Variants in TUT7 observed in about 807,000 individuals in gnomAD.
TUT7 encodes the protein terminal uridylyltransferase 7.
A neutral mutation model predicts 165.9 loss-of-function variants in TUT7; 33 were observed. The observed-to-expected ratio is 0.20, with a 90% CI of 0.15 to 0.27. The LOEUF is 0.27. Ranked by LOEUF, TUT7 falls within the 10% of genes least tolerant of loss-of-function variation. TUT7 has a pLI of 1.00. For synonymous variants in TUT7, 552 were observed against 608.1 expected (o/e 0.91, Z 1.36); for missense variants, 1,338 against 1,762.3 (o/e 0.76, Z 4.31).
intron 26 of TUT7, among the ~76,000 whole-genome samples, chr9:86,297,777 C>T (rs1826465514): frequency 2.0e-5 from 3 of 152,076 alleles, no homozygotes; most frequent in South Asian, 2.1e-4. Context: ...TGGCTCAAAA[C>T]CCTACAATAG....
chr9:86,305,550 T>C (rs1036444090), intron 22 of TUT7, among the ~76,000 whole-genome samples: 2 of 152,098 alleles, frequency 1.3e-5, no homozygotes, highest in Non-Finnish European at 2.9e-5. Context: ...CTTTATGTTA[T>C]GACTGGCTGC....
chr9:86,352,747 T>C lies in TUT7; in HGVS notation c.453A>G (p.Val151=). Residue 151 remains valine (V), a synonymous_variant, in exon 2 of 27, where the codon GTA becomes GTG. Coordinates refer to ENST00000375963, the MANE Select transcript of TUT7 (RefSeq NM_024617.4). ...TTAGGTCTTTATGAAACAGTCGTCTTACAGTTCTGCAGCCTCTTGTGTCTT... is the reference window on the plus strand; with the variant it reads ...TTAGGTCTTTATGAAACAGTCGTCTCACAGTTCTGCAGCCTCTTGTGTCTT... The part of the protein sequence containing the change: ...RWQDTRGCRT[V]RRLFHKDLTS... The C allele has an allele frequency of 6.2e-7, 1 of 1,614,228 alleles. No homozygotes were observed. The highest frequency in any genetic ancestry group is 8.5e-7 in the Non-Finnish European group (1 of 1,180,032).
At chr9:86,329,478 G>A (rs1830104414) in intron 10 of TUT7, among the ~76,000 whole-genome samples, 1 of 151,334 alleles carries the variant, frequency 6.6e-6, no homozygotes, top group African/African-American at 2.4e-5. Flanking sequence ...AGCCGAGATG[G>A]TGCCATTGCA....
intron 6 of TUT7, among the ~76,000 whole-genome samples, chr9:86,341,493 A>G (rs1831323719): frequency 6.6e-6 from 1 of 152,066 alleles, no homozygotes; most frequent in African/African-American, 2.4e-5. Context: ...TATCCTTACA[A>G]CTCTCAATGA....
intron 11 of TUT7, among the ~76,000 whole-genome samples, chr9:86,327,917 C>G: frequency 6.6e-6 from 1 of 152,164 alleles, no homozygotes; most frequent in East Asian, 1.9e-4. Flanking sequence ...ATTCTAATGG[C>G]TATTCTTTCC....
intron 16 of TUT7, 94 bp from the exon 17 acceptor site, chr9:86,317,370 T>G (rs1327614027): frequency 9.7e-7 from 1 of 1,030,496 alleles, no homozygotes; most frequent in Non-Finnish European, 1.5e-6. Context: ...ATAATGTAAT[T>G]AATTTCAAGT....
At chr9:86,333,107 T>A (rs148658339) in intron 10 of TUT7, among the ~76,000 whole-genome samples, 4 of 152,184 alleles carry the variant, frequency 2.6e-5, no homozygotes, top group Non-Finnish European at 5.9e-5. Context: ...TTTTAATCAT[T>A]TATTTTACTC....
At chr9:86,304,787 C>CT (rs1244722194) in intron 24 of TUT7, 69 bp downstream of exon 24, 1 of 946,068 alleles carries the variant, frequency 1.1e-6, no homozygotes, top group Non-Finnish European at 1.6e-6. Context: ...TAAGTTACTA[C>CT]TGAAGTGATG....
intron 2 of TUT7, among the ~76,000 whole-genome samples, chr9:86,348,342 A>G (rs1298366311): frequency 6.6e-6 from 1 of 152,234 alleles, no homozygotes; most frequent in African/African-American, 2.4e-5. Context: ...TAATCCCTAC[A>G]GCAATCCTGC....
Position 86,353,031 on chromosome 9 carries a change from T to C in TUT7, c.169A>G (p.Thr57Ala). 1.2e-6 allele frequency: 2 copies of C among 1,614,212 alleles called. No homozygotes were observed. The highest frequency in any genetic ancestry group is 1.7e-6 in the Non-Finnish European group (2 of 1,180,044). The change falls in exon 2 of 27, where the codon ACA becomes GCA. Residue 57 changes from threonine to alanine, a missense_variant. Physicochemically the swap from Thr to Ala is moderately conservative, Grantham distance 58 (BLOSUM62 0). Transcript: ENST00000375963. ...GGGGTATTCCCATAGTTCCCTGGTG[T>C]TATCTTCTTTTTTTGAAGGCCCTTT... ...MEKGLQKKKI[T>A]PGNYGNTPRK...
chr9:86,325,423 T>C lies in TUT7; in HGVS notation c.1700A>G (p.Asn567Ser). 1 of 1,614,148 alleles carries C rather than the reference T, an allele frequency of 6.2e-7. No individual in the cohort carries two copies. Among genetic ancestry groups the C allele is most frequent in the South Asian group, 1.1e-5 (1 of 91,082 alleles). ...AATACTTATCACTAAATCAGCCAAA[T>C]TAAATTCTAAAGCATAGAACCGCAG... ...ELLRFYALEFNLADLVISIRV... is the reference protein window; with the variant it reads ...ELLRFYALEFSLADLVISIRV... The change falls in exon 12 of 27, where the codon AAT becomes AGT. Residue 567 changes from asparagine to serine, a missense_variant. Transcript: ENST00000375963.
At chr9:86,345,213 A>G in intron 4 of TUT7, 59 bp from the exon 5 acceptor site, 1 of 1,497,524 alleles carries the variant, frequency 6.7e-7, no homozygotes, top group Non-Finnish European at 9.0e-7. Flanking sequence ...ACCTTCTACC[A>G]CTCATGAAGA....
intron 4 of TUT7, among the ~76,000 whole-genome samples, chr9:86,345,462 T>C (rs1265535335): frequency 6.6e-6 from 1 of 152,208 alleles, no homozygotes; most frequent in Admixed American, 6.5e-5. Context: ...AATGACTTCA[T>C]ATAACCTGAT....
chr9:86,340,331 T>C (rs768078295), intron 7 of TUT7, among the ~76,000 whole-genome samples: 3 of 152,264 alleles, frequency 2.0e-5, no homozygotes, highest in Non-Finnish European at 2.9e-5. Flanking sequence ...TGTTTCATTA[T>C]AAGTGACTAC....
At chr9:86,318,787 T>C (rs1657931287) in intron 16 of TUT7, among the ~76,000 whole-genome samples, 171 bp downstream of exon 16, 1 of 152,206 alleles carries the variant, frequency 6.6e-6, no homozygotes, top group Non-Finnish European at 1.5e-5. Context: ...GCTCCTCACA[T>C]TCCTCACAAC....
At chr9:86,312,583 T>G (rs1828268369) in intron 17 of TUT7, among the ~76,000 whole-genome samples, 1 of 152,156 alleles carries the variant, frequency 6.6e-6, no homozygotes, top group African/African-American at 2.4e-5. Context: ...GGAGCCCCTC[T>G]GCCCGGCCAC....
intron 17 of TUT7, among the ~76,000 whole-genome samples, chr9:86,312,097 G>A (rs1156582352): frequency 6.6e-6 from 1 of 151,924 alleles, no homozygotes; most frequent in Non-Finnish European, 1.5e-5. Flanking sequence ...TGGGATGTGA[G>A]GAGCCCCTCT....
chr9:86,329,980 C>A (rs915546520), intron 10 of TUT7, among the ~76,000 whole-genome samples: 1 of 152,166 alleles, frequency 6.6e-6, no homozygotes, highest in Non-Finnish European at 1.5e-5. Context: ...GAAAGTACCA[C>A]CACTGCATAT....
intron 26 of TUT7, among the ~76,000 whole-genome samples, chr9:86,299,588 C>T (rs1826690126): frequency 6.6e-6 from 1 of 152,136 alleles, no homozygotes; most frequent in African/African-American, 2.4e-5. Flanking sequence ...GAAGGGACCA[C>T]ATTTCTAGAT....
Sources: allele counts gnomAD v4.1 joint callset (sites outside exome capture counted in the v4.1 genomes callset), GRCh38; gene constraint gnomAD v4.1.1; transcripts MANE v1.5; gene names NCBI Gene and HGNC (gene_info 2026-07-23, HGNC 2026-07-21).